DPF3: variants seen among roughly 807,000 people sequenced by gnomAD.
DPF3 encodes the protein double PHD fingers 3, also known as zinc finger protein DPF3.
Under a neutral mutation model 56.8 loss-of-function variants are expected in DPF3, and 18 were observed. That is an observed-to-expected ratio of 0.32 (90% CI 0.22 to 0.47). The LOEUF is 0.47. Ranked by LOEUF, DPF3 falls within the 20% of genes least tolerant of loss-of-function variation. The probability of loss-of-function intolerance (pLI) is 1.00; values close to 1 mark genes in which losing one functional copy is unlikely to be tolerated. For synonymous variants in DPF3, 188 were observed against 180.2 expected (o/e 1.04, Z -0.35); for missense variants, 403 against 488.8 (o/e 0.82, Z 1.65).
intron 6 of DPF3, among the ~76,000 whole-genome samples, chr14:72,705,945 AAAAG>A (rs796744671): frequency 1.5e-3 from 227 of 152,302 alleles, no homozygotes; most frequent in African/African-American, 5.2e-3. Context: ...GAGAGAAAAA[AAAAG>A]AGAGAGAGAG....
intron 1 of DPF3, among the ~76,000 whole-genome samples, chr14:72,773,235 C>T (rs543768523): frequency 6.6e-5 from 10 of 150,942 alleles, no homozygotes; most frequent in Non-Finnish European, 1.3e-4. Context: ...TGGGTTCAAA[C>T]GATTCTCCTG....
chr14:72,861,729 GAA>G, intron 1 of DPF3, among the ~76,000 whole-genome samples: 1 of 68,092 alleles, frequency 1.5e-5, no homozygotes, highest in South Asian at 5.1e-4. Context: ...GAGAGAGAAA[GAA>G]AGAAAGAGAA....
Position 72,804,180 on chromosome 14 carries a change from G to GACACAC in DPF3, c.33-32293_33-32288dup, listed in dbSNP as rs545355128. On this transcript the variant is annotated intron_variant, in intron 1 of 10. Transcript: ENST00000556509. Reference sequence around the variant, plus strand: ...CTCAAGATCCAGCACTGCTTTCCAGGACACACACACACACACACACACACA... The same window carrying GACACAC: ...CTCAAGATCCAGCACTGCTTTCCAGGACACACACACACACACACACACACACACACA... Among the ~76,000 whole-genome samples, 1,039 of 133,250 alleles carry GACACAC rather than the reference G, an allele frequency of 7.8e-3. 7 individuals carry two copies. The highest frequency in any genetic ancestry group is 0.017 in the African/African-American group (611 of 35,620). The allele number at this position is 133,250 out of a possible 152,430, so 87.4% of individuals were successfully genotyped here. A position where few individuals can be genotyped will look rare whatever the true frequency, so the allele number is the denominator to read the frequency against.
intron 1 of DPF3, among the ~76,000 whole-genome samples, chr14:72,859,792 A>G (rs1009847123): frequency 6.6e-6 from 1 of 152,118 alleles, no homozygotes; most frequent in East Asian, 1.9e-4. Flanking sequence ...GGAGCCAACT[A>G]TAAATGTTAT....
intron 1 of DPF3, among the ~76,000 whole-genome samples, chr14:72,835,919 T>C (rs1884273159): frequency 1.3e-5 from 2 of 152,146 alleles, no homozygotes; most frequent in African/African-American, 4.8e-5. Context: ...ACCTCATGGT[T>C]CATCCCCCTT....
At chr14:72,853,319 C>G (rs1480954038) in intron 1 of DPF3, 1 of 151,830 alleles carries the variant, frequency 6.6e-6, no homozygotes, top group Non-Finnish European at 1.5e-5. Flanking sequence ...AACTCACTAC[C>G]CTCAGACTAG....
chr14:72,797,350 C>T (rs1382386747), intron 1 of DPF3, among the ~76,000 whole-genome samples: 1 of 152,138 alleles, frequency 6.6e-6, no homozygotes, highest in African/African-American at 2.4e-5. Flanking sequence ...GAATAGTAAG[C>T]AAAATAAATG....
chr14:72,710,338 T>C (rs1286483312), intron 6 of DPF3, among the ~76,000 whole-genome samples: 1 of 152,240 alleles, frequency 6.6e-6, no homozygotes, highest in Non-Finnish European at 1.5e-5. Flanking sequence ...CTGAGTTGTA[T>C]ATCAATGTGA....
intron 8 of DPF3, chr14:72,670,203 C>T (rs1296922494): frequency 1.0e-6 from 1 of 985,894 alleles, no homozygotes; most frequent in African/African-American, 1.7e-5. Flanking sequence ...GATGATGTCT[C>T]CTTCTATCTT....
chr14:72,773,425 T>C (rs1163758910), intron 1 of DPF3, among the ~76,000 whole-genome samples: 1 of 152,132 alleles, frequency 6.6e-6, no homozygotes, highest in Non-Finnish European at 1.5e-5. Context: ...TGAGCCACCA[T>C]GCCTGGCCTC....
At chr14:72,869,017 G>T (rs911625260) in intron 1 of DPF3, among the ~76,000 whole-genome samples, 1 of 152,070 alleles carries the variant, frequency 6.6e-6, no homozygotes, top group Non-Finnish European at 1.5e-5. Flanking sequence ...TCTCCATCAA[G>T]GCCCTTCATG....
At chr14:72,858,857 C>T in intron 1 of DPF3, among the ~76,000 whole-genome samples, 1 of 152,094 alleles carries the variant, frequency 6.6e-6, no homozygotes, top group East Asian at 1.9e-4. Context: ...CATCTTTTTA[C>T]TTTTATGTGT....
At chr14:72,682,003 A>G (rs1311873413) in intron 7 of DPF3, among the ~76,000 whole-genome samples, 2 of 152,212 alleles carry the variant, frequency 1.3e-5, no homozygotes, top group Non-Finnish European at 2.9e-5. Context: ...TCATGAGGTC[A>G]GGAGTTCAAG....
chr14:72,812,997 C>A (rs900815522), intron 1 of DPF3, among the ~76,000 whole-genome samples: 1 of 152,132 alleles, frequency 6.6e-6, no homozygotes, highest in East Asian at 1.9e-4. Flanking sequence ...CCCAGACACA[C>A]CGCATCGCCT....
chr14:72,645,452 C>T (rs1340750690), intron 8 of DPF3, among the ~76,000 whole-genome samples: 1 of 152,116 alleles, frequency 6.6e-6, no homozygotes, highest in Non-Finnish European at 1.5e-5. Flanking sequence ...CCCCCAGTAG[C>T]TGGGACTACA....
At chr14:72,694,973 T>C (rs1417010346) in intron 6 of DPF3, among the ~76,000 whole-genome samples, 1 of 152,222 alleles carries the variant, frequency 6.6e-6, no homozygotes, top group Non-Finnish European at 1.5e-5. Context: ...TAGAATGCAC[T>C]CCATTTGGTC....
chr14:72,640,691 T>C (rs992566639), intron 8 of DPF3, among the ~76,000 whole-genome samples: 1 of 152,158 alleles, frequency 6.6e-6, no homozygotes, highest in Non-Finnish European at 1.5e-5. Flanking sequence ...ATGATAAAAC[T>C]GTTAGCAGAG....
chr14:72,838,905 A>ATATATATATATATATATATATATTTTT lies in DPF3; in HGVS notation c.32+55151_32+55152insAAAAATATATATATATATATATATATA. On this transcript the variant is annotated intron_variant, in intron 1 of 10. Transcript: ENST00000556509. Reference sequence around the variant, plus strand: ...ATCTATCATATATATTATCATATATATTCTTTTTTTTTTTTTTTTTTTTTT... The same window carrying ATATATATATATATATATATATATTTTT: ...ATCTATCATATATATTATCATATATATATATATATATATATATATATATTTTTTTCTTTTTTTTTTTTTTTTTTTTTT... 2.0e-4 allele frequency among the ~76,000 whole-genome samples: 13 copies of ATATATATATATATATATATATATTTTT among 64,496 alleles called. 2 individuals are homozygous for ATATATATATATATATATATATATTTTT. Among genetic ancestry groups the ATATATATATATATATATATATATTTTT allele is most frequent in the African/African-American group, 2.7e-4 (4 of 15,058 alleles). The allele number at this position is 64,496 out of a possible 152,430, so 42.3% of individuals were successfully genotyped here. A position where few individuals can be genotyped will look rare whatever the true frequency, so the allele number is the denominator to read the frequency against.
chr14:72,779,277 A>G (rs1380845307), intron 1 of DPF3, among the ~76,000 whole-genome samples: 1 of 152,204 alleles, frequency 6.6e-6, no homozygotes, highest in Non-Finnish European at 1.5e-5. Context: ...AAAAACATTG[A>G]GAGAATGTCT....
Sources: gnomAD v4.1 joint callset for allele counts (sites outside exome capture counted in the v4.1 genomes callset) on GRCh38, gnomAD v4.1.1 for gene constraint, MANE v1.5 for transcripts, NCBI Gene and HGNC (gene_info 2026-07-23, HGNC 2026-07-21) for gene names.